Variants in PCDH15 observed in about 807,000 individuals in gnomAD.
The protein encoded by PCDH15 is protocadherin-15.
In PCDH15, 129 loss-of-function variants were observed where a neutral mutation model predicts 178.5. The observed-to-expected ratio is 0.72, with a 90% CI of 0.63 to 0.84. The LOEUF is 0.84. PCDH15 is among the 40% of genes least tolerant of loss of function. PCDH15 has a pLI of 0.00. For missense variants in PCDH15, 2,230 were observed against 2,099.9 expected, an observed-to-expected ratio of 1.06 and a Z score of -1.21; for synonymous variants, 800 against 732.0, an observed-to-expected ratio of 1.09 and a Z score of -1.50.
chr10:54,966,348 T>C (rs1338844845), intron 2 of PCDH15, among the ~76,000 whole-genome samples: 2 of 152,090 alleles, frequency 1.3e-5, no homozygotes, highest in Non-Finnish European at 2.9e-5. Context: ...CATGCACTCC[T>C]TAAACATGGG....
In PCDH15 at chr10:54,022,830, C is replaced by G; in HGVS notation, c.2526+62G>C. 3 of 1,572,718 alleles carry G rather than the reference C, an allele frequency of 1.9e-6. No homozygotes were observed. In the Admixed American group the frequency reaches 5.0e-5, roughly 26 times the overall value. ...ATTGTTACTTGCTAATTTTGGCACACAAACCCTAATAGCAAATCTCCTAAT... is the reference window on the plus strand; with the variant it reads ...ATTGTTACTTGCTAATTTTGGCACAGAAACCCTAATAGCAAATCTCCTAAT... On this transcript the variant is annotated intron_variant, in intron 19 of 37. Transcript: ENST00000644397.
At chr10:55,157,884 A>G (rs1266780778) in intron 2 of PCDH15, among the ~76,000 whole-genome samples, 3 of 152,024 alleles carry the variant, frequency 2.0e-5, no homozygotes, top group Non-Finnish European at 4.4e-5. Flanking sequence ...CAGCACACCA[A>G]CATGCCACAT....
chr10:55,620,210 C>A (rs1473840494), intron 2 of PCDH15, among the ~76,000 whole-genome samples: 3 of 151,954 alleles, frequency 2.0e-5, no homozygotes, highest in Non-Finnish European at 4.4e-5. Context: ...ATTCTAAATA[C>A]CAATTGAAAA....
Position 53,995,580 on chromosome 10 carries a change from C to T in PCDH15, c.2868+69G>A, listed in dbSNP as rs11003980. On this transcript the variant is annotated intron_variant, in intron 21 of 37. Coordinates refer to ENST00000644397, the MANE Select transcript of PCDH15 (RefSeq NM_001384140.1). ...AGACTACTTTTGCTGTCTTGTGATT[C>T]GGTCATTTATGAGTGTTAAGGATTT... 0.064 allele frequency: 103,076 copies of T among 1,612,054 alleles called. 3,876 individuals carry two copies. Among genetic ancestry groups the T allele is most frequent in the Middle Eastern group, 0.17 (1,044 of 6,054 alleles).
chr10:54,177,848 A>G (rs2047594848), intron 13 of PCDH15, among the ~76,000 whole-genome samples: 1 of 152,098 alleles, frequency 6.6e-6, no homozygotes, highest in Non-Finnish European at 1.5e-5. Context: ...TGATTAGTTA[A>G]TGTATTTTTG....
At chr10:55,240,124 C>G (rs1841501382) in intron 1 of PCDH15, among the ~76,000 whole-genome samples, 1 of 151,962 alleles carries the variant, frequency 6.6e-6, no homozygotes, top group Admixed American at 6.6e-5. Context: ...TGTGGAGGTT[C>G]CTCAAAAAAC....
At chr10:53,911,479 T>C (rs1046017348) in intron 25 of PCDH15, among the ~76,000 whole-genome samples, 2 of 152,162 alleles carry the variant, frequency 1.3e-5, no homozygotes, top group African/African-American at 4.8e-5. Flanking sequence ...GGGAAATTTA[T>C]AGCACTAAAT....
chr10:53,868,798 C>T (rs12258253), intron 26 of PCDH15, among the ~76,000 whole-genome samples: 36,199 of 151,914 alleles, frequency 0.24, 5,790 homozygotes, highest in East Asian at 0.76. Flanking sequence ...ACTTCAGGAT[C>T]AGCTGTTTCA....
chr10:54,846,796 C>T (rs1046368506), intron 3 of PCDH15, among the ~76,000 whole-genome samples: 2 of 152,018 alleles, frequency 1.3e-5, no homozygotes, highest in Non-Finnish European at 2.9e-5. Flanking sequence ...GGTGACAGGT[C>T]TGTGAATTCA....
chr10:54,780,477 G>C (rs1404211005), intron 1 of PCDH15, among the ~76,000 whole-genome samples: 1 of 152,066 alleles, frequency 6.6e-6, no homozygotes, highest in African/African-American at 2.4e-5. Flanking sequence ...TCTCCCTTGA[G>C]GATGGGATTT....
chr10:53,903,725 T>C (rs919238321), intron 25 of PCDH15, among the ~76,000 whole-genome samples: 10 of 152,150 alleles, frequency 6.6e-5, no homozygotes, highest in African/African-American at 2.2e-4. Flanking sequence ...GACACAAATA[T>C]ATAAACCCCT....
At chr10:55,602,584 A>T (rs1295201132) in intron 2 of PCDH15, among the ~76,000 whole-genome samples, 1 of 151,988 alleles carries the variant, frequency 6.6e-6, no homozygotes, top group African/African-American at 2.4e-5. Context: ...CTGACCGCTG[A>T]CCCCCGAGCA....
intron 1 of PCDH15, among the ~76,000 whole-genome samples, chr10:55,284,861 G>T (rs1220110235): frequency 1.3e-5 from 2 of 151,904 alleles, no homozygotes; most frequent in African/African-American, 4.8e-5. Flanking sequence ...CCATTATATG[G>T]TTTATGTAGT....
intron 2 of PCDH15, among the ~76,000 whole-genome samples, chr10:55,068,841 G>GA (rs1375906600): frequency 1.3e-5 from 2 of 151,538 alleles, no homozygotes; most frequent in Non-Finnish European, 2.9e-5. Context: ...TTAAATTTAT[G>GA]AGTAAGTTCT....
intron 13 of PCDH15, 129 bp from the exon 14 acceptor site, chr10:54,153,422 CTGTTTTT>C (rs950509198): frequency 7.5e-5 from 75 of 1,004,398 alleles, no homozygotes; most frequent in African/African-American, 4.8e-4. Context: ...GACATATATA[CTGTTTTT>C]TGTTTTTTGT....
rs72797022 is a variant in PCDH15 at position 54,089,740 on chromosome 10, G to A, written c.1997+244C>T. ...TAAAAGGATCTAATTAATCCCAGTTGTGCCTTCCAATGAAATGTTTCCACC... is the reference window on the plus strand; with the variant it reads ...TAAAAGGATCTAATTAATCCCAGTTATGCCTTCCAATGAAATGTTTCCACC... On this transcript the variant is annotated intron_variant, in intron 16 of 37. Coordinates refer to ENST00000644397, the MANE Select transcript of PCDH15 (RefSeq NM_001384140.1). 0.2 allele frequency among the ~76,000 whole-genome samples: 30,454 copies of A among 152,010 alleles called. 3,324 individuals are homozygous for A. Among genetic ancestry groups the A allele is most frequent in the Non-Finnish European group, 0.25 (17,252 of 67,972 alleles).
At chr10:54,507,294 C>T (rs1250191321) in intron 3 of PCDH15, among the ~76,000 whole-genome samples, 1 of 151,208 alleles carries the variant, frequency 6.6e-6, no homozygotes, top group Admixed American at 6.6e-5. Context: ...TTTATTCCTG[C>T]ATAGAGTATT....
At position 55,123,380 on chromosome 10, in the gene PCDH15, A is replaced by T. The variant is rs185551867; in HGVS notation, c.-80+43196T>A. 2.1e-3 allele frequency among the ~76,000 whole-genome samples: 322 copies of T among 152,168 alleles called. 1 individual carries two copies. The highest frequency in any genetic ancestry group is 7.4e-3 in the African/African-American group (308 of 41,532). On this transcript the variant is annotated intron_variant, in intron 2 of 5. Transcript: ENST00000458638. ...CAGCCTTCTCTAATATAAAAACAAA[A>T]TTTTTTTAATGATACAGTGATAAAA...
rs563304057 is a variant in PCDH15, at chr10:54,956,584, G to A, written c.-79-59084C>T. On this transcript the variant is annotated intron_variant, in intron 2 of 5. Transcript: ENST00000458638. ...TATCTTACATAAACAGCAAAGAATA[G>A]GGTATATTTAATCACGGTATATAAA... Among the ~76,000 whole-genome samples the A allele has an allele frequency of 4.0e-5, 6 of 151,526 alleles. No homozygotes were observed. In the South Asian group the frequency reaches 1.2e-3, roughly 32 times the overall value.
Sources: allele counts gnomAD v4.1 joint callset (sites outside exome capture counted in the v4.1 genomes callset), GRCh38; gene constraint gnomAD v4.1.1; transcripts MANE v1.5; gene names NCBI Gene and HGNC (gene_info 2026-07-23, HGNC 2026-07-21).